The following RSRP1 variants were observed in gnomAD, a reference collection of about 807,000 sequenced individuals.
RSRP1 encodes arginine and serine rich protein 1, also known as arginine/serine-rich protein 1.
In RSRP1, 37 loss-of-function variants were observed where a neutral mutation model predicts 33.0. The ratio of observed to expected loss-of-function variants is 1.12; its 90% CI spans 0.86 to 1.48. The LOEUF (loss-of-function observed/expected upper bound fraction) is 1.48. Ranked by LOEUF, RSRP1 falls within the 40% of genes most tolerant of loss-of-function variation. The pLI is 0.00. For missense variants in RSRP1, 402 were observed against 385.3 expected, an observed-to-expected ratio of 1.04 and a Z score of -0.36; for synonymous variants, 167 against 158.7, an observed-to-expected ratio of 1.05 and a Z score of -0.40.
At chr1:25,271,759 T>C (rs1430089932) in intron 1 of RSRP1, among the ~76,000 whole-genome samples, 1 of 131,304 alleles carries the variant, frequency 7.6e-6, no homozygotes, top group Non-Finnish European at 1.8e-5. Flanking sequence ...CTGGTGGCCT[T>C]CCTCAAATGC....
chr1:25,256,199 G>C (rs1049245594), intron 1 of RSRP1, among the ~76,000 whole-genome samples: 1 of 150,180 alleles, frequency 6.7e-6, no homozygotes, highest in African/African-American at 2.5e-5. Context: ...CTGTTGTCCA[G>C]GCCGGAGTGC....
intron 3 of RSRP1, chr1:25,244,755 G>A: frequency 9.2e-7 from 1 of 1,084,158 alleles, no homozygotes; most frequent in Non-Finnish European, 1.2e-6. Context: ...TGCCATCTTG[G>A]CTCACTGCAA....
rs895838459 is a variant in RSRP1 at position 25,314,236 on chromosome 1, C to T, written c.-67+23742G>A. On this transcript the variant is annotated intron_variant, in intron 1 of 1. Coordinates refer to the RSRP1 transcript ENST00000561867. Reference sequence around the variant, plus strand: ...GAAGCTCCTTTTACTCCACATTTTGCCAACACTTGGTGTTTTCCTTCTTTT... The same window carrying T: ...GAAGCTCCTTTTACTCCACATTTTGTCAACACTTGGTGTTTTCCTTCTTTT... Among the ~76,000 whole-genome samples the T allele has an allele frequency of 1.1e-4, 14 of 132,732 alleles. 4 individuals carry two copies. The highest frequency in any genetic ancestry group is 1.4e-4 in the Non-Finnish European group (8 of 56,002). The allele number at this position is 132,732 out of a possible 152,430, so 87.1% of individuals were successfully genotyped here. A position where few individuals can be genotyped will look rare whatever the true frequency, so the allele number is the denominator to read the frequency against.
chr1:25,244,280 G>T (rs575593141), intron 3 of RSRP1: 1 of 1,288,798 alleles, frequency 7.8e-7, no homozygotes, highest in East Asian at 5.5e-5. Context: ...ATGCCCCACC[G>T]TTACAACGTG....
intron 1 of RSRP1, among the ~76,000 whole-genome samples, chr1:25,299,072 TAAAAAAA>T (rs34867414): frequency 3.2e-4 from 13 of 40,870 alleles, no homozygotes; most frequent in African/African-American, 7.8e-4. Flanking sequence ...CACATGGTGA[TAAAAAAA>T]AAAAAAAAAA....
At position 25,323,387 on chromosome 1, in the gene RSRP1, C is replaced by T. The variant is rs1180365455; in HGVS notation, c.-67+14591G>A. Among the ~76,000 whole-genome samples the T allele has an allele frequency of 2.8e-5, 3 of 106,610 alleles. 1 individual carries two copies. Among genetic ancestry groups the T allele is most frequent in the Non-Finnish European group, 6.7e-5 (3 of 44,792 alleles). 69.9% of individuals were successfully genotyped at this position (106,610 alleles called of 152,430 possible). On this transcript the variant is annotated intron_variant, in intron 1 of 1. Transcript: ENST00000561867. ...ACTTCCTCCTGCTCCTTTGAAATTC[C>T]TCCCTCCCTACCCACCTGGTCCCAC...
chr1:25,319,363 C>A (rs1644577879), intron 1 of RSRP1, among the ~76,000 whole-genome samples: 1 of 132,490 alleles, frequency 7.5e-6, no homozygotes, highest in Admixed American at 7.3e-5. Context: ...TACTTGTAAT[C>A]CCAGCACCTT....
chr1:25,306,971 G>A lies in RSRP1; in HGVS notation c.-67+31007C>T, dbSNP rs373088752. 5.3e-4 allele frequency: 243 copies of A among 456,440 alleles called. 39 individuals carry two copies. The highest frequency in any genetic ancestry group is 4.0e-3 in the African/African-American group (198 of 49,600). 28.3% of individuals were successfully genotyped at this position (456,440 alleles called of 1,614,324 possible). On this transcript the variant is annotated intron_variant, in intron 1 of 1. Coordinates refer to the RSRP1 transcript ENST00000561867. ...CCACCTAGGTATAGACCAAAGACAC[G>A]AAATCTTTTGTGATCCCACAAACAC... is the stretch of plus-strand genomic sequence containing the variant.
chr1:25,304,706 A>C lies in RSRP1; in HGVS notation c.-67+33272T>G, dbSNP rs1369243154. 11 of 132,326 alleles carry C rather than the reference A, an allele frequency of 8.3e-5. 2 individuals carry two copies. The highest frequency in any genetic ancestry group is 2.9e-4 in the African/African-American group (11 of 38,442). The allele number at this position is 132,326 out of a possible 1,614,324, so 8.2% of individuals were successfully genotyped here. ...GGATGGAACTGGAGGTAATTAAAAA[A>C]TAAAATTAAATAAGGAAAAACGTAT... On this transcript the variant is annotated intron_variant, in intron 1 of 1. Coordinates refer to the RSRP1 transcript ENST00000561867.
chr1:25,282,503 C>T lies in RSRP1; in HGVS notation c.-66-35474G>A, dbSNP rs642186. On this transcript the variant is annotated intron_variant, in intron 1 of 1. Transcript: ENST00000561867. ...CCACCTCATCCTCCTAAATTGGTAT[C>T]TTTATATGTCCAAAAGAGTCAACTG... 9.2e-4 allele frequency among the ~76,000 whole-genome samples: 122 copies of T among 132,168 alleles called. 24 individuals carry two copies. Among genetic ancestry groups the T allele is most frequent in the Middle Eastern group, 8.1e-3 (2 of 246 alleles). The allele number at this position is 132,168 out of a possible 152,430, so 86.7% of individuals were successfully genotyped here.
intron 1 of RSRP1, among the ~76,000 whole-genome samples, chr1:25,262,164 T>C (rs644653): frequency 7.2e-5 from 11 of 152,240 alleles, no homozygotes; most frequent in African/African-American, 1.4e-4. Flanking sequence ...TTAAGTAATC[T>C]GTAGTCTGAC....
intron 1 of RSRP1, among the ~76,000 whole-genome samples, chr1:25,256,627 AT>A (rs112188440): frequency 6.6e-6 from 1 of 151,634 alleles, no homozygotes; most frequent in South Asian, 2.1e-4. Flanking sequence ...TACCCAGCTA[AT>A]TTTTTTTGTA....
intron 3 of RSRP1, chr1:25,244,506 A>C: frequency 7.8e-7 from 1 of 1,289,378 alleles, no homozygotes; most frequent in African/African-American, 1.5e-5. Flanking sequence ...TTTCTATAAG[A>C]CAGAAATAGA....
At chr1:25,255,141 C>T (rs1171556743) in intron 1 of RSRP1, among the ~76,000 whole-genome samples, 1 of 152,124 alleles carries the variant, frequency 6.6e-6, no homozygotes, top group Non-Finnish European at 1.5e-5. Context: ...TCGGTGATGG[C>T]ACAGTCATGG....
chr1:25,297,064 A>G (rs1643015646), intron 1 of RSRP1, among the ~76,000 whole-genome samples: 1 of 129,724 alleles, frequency 7.7e-6, no homozygotes, highest in Admixed American at 7.5e-5. Flanking sequence ...TTCTAGAAAA[A>G]AATATATATT....
At chr1:25,330,493 G>A (rs1644980152) in intron 1 of RSRP1, 1 of 133,142 alleles carries the variant, frequency 7.5e-6, no homozygotes, top group Admixed American at 7.3e-5. Context: ...AAATGTGACT[G>A]TGAATTAATT....
At chr1:25,256,574 A>C (rs957951970) in intron 1 of RSRP1, among the ~76,000 whole-genome samples, 1 of 152,056 alleles carries the variant, frequency 6.6e-6, no homozygotes, top group Non-Finnish European at 1.5e-5. Context: ...CTCCTACCTC[A>C]GCTCCCACCA....
Position 25,302,010 on chromosome 1 carries a change from A to C in RSRP1, c.-67+35968T>G, listed in dbSNP as rs1415505349. On this transcript the variant is annotated intron_variant, in intron 1 of 1. Transcript: ENST00000561867. ...CATGAGCGAGAGTCAGCAGCAACAGACTAGACTAGAATTAGCCAGCCTCTC... is the reference window on the plus strand; with the variant it reads ...CATGAGCGAGAGTCAGCAGCAACAGCCTAGACTAGAATTAGCCAGCCTCTC... Among the ~76,000 whole-genome samples, 3 of 130,520 alleles carry C rather than the reference A, an allele frequency of 2.3e-5. 1 individual carries two copies. Among genetic ancestry groups the C allele is most frequent in the Non-Finnish European group, 5.5e-5 (3 of 54,960 alleles). The allele number at this position is 130,520 out of a possible 152,430, so 85.6% of individuals were successfully genotyped here. A position where few individuals can be genotyped will look rare whatever the true frequency, so the allele number is the denominator to read the frequency against.
chr1:25,306,899 G>C lies in RSRP1; in HGVS notation c.-67+31079C>G. On this transcript the variant is annotated intron_variant, in intron 1 of 1. Transcript: ENST00000561867. The stretch of plus-strand genomic sequence containing the variant: ...AGAAATTCTGTCCAGCCCCTACCTT[G>C]GATGGATTTATCACCTCTCCAGGCC... 3 of 737,154 alleles carry C rather than the reference G, an allele frequency of 4.1e-6. 1 individual carries two copies. The highest frequency in any genetic ancestry group is 7.0e-6 in the Non-Finnish European group (3 of 429,074). The allele number at this position is 737,154 out of a possible 1,614,324, so 45.7% of individuals were successfully genotyped here. A position where few individuals can be genotyped will look rare whatever the true frequency, so the allele number is the denominator to read the frequency against.
Sources: allele counts gnomAD v4.1 joint callset (sites outside exome capture counted in the v4.1 genomes callset), GRCh38; gene constraint gnomAD v4.1.1; transcripts MANE v1.5; gene names NCBI Gene and HGNC (gene_info 2026-07-23, HGNC 2026-07-21).